The following PDE1C variants were observed in gnomAD, a reference collection of about 807,000 sequenced individuals.
PDE1C encodes dual specificity calcium/calmodulin-dependent 3',5'-cyclic nucleotide phosphodiesterase 1C.
In PDE1C, 62 loss-of-function variants were observed where a neutral mutation model predicts 93.1. That is an observed-to-expected ratio of 0.67 (90% CI 0.54 to 0.82). The LOEUF is 0.82. Ranked by LOEUF, PDE1C falls within the 40% of genes least tolerant of loss-of-function variation. The pLI is 0.00. For missense variants in PDE1C, 742 were observed against 884.6 expected (o/e 0.84, Z 2.04); for synonymous variants, 325 against 310.1 (o/e 1.05, Z -0.50).
At chr7:32,086,075 C>T (rs1194087924) in intron 3 of PDE1C, among the ~76,000 whole-genome samples, 1 of 151,346 alleles carries the variant, frequency 6.6e-6, no homozygotes, top group Non-Finnish European at 1.5e-5. Flanking sequence ...TCCCTGTTTG[C>T]AGATGACATG....
At chr7:32,127,928 G>T (rs1178688195) in intron 3 of PDE1C, among the ~76,000 whole-genome samples, 1 of 151,674 alleles carries the variant, frequency 6.6e-6, no homozygotes, top group Non-Finnish European at 1.5e-5. Context: ...AAAAAGAAAA[G>T]GACAGCAATG....
the PDE1C span, chr7:31,695,753 T>G: frequency 7.2e-6 from 6 of 828,182 alleles, no homozygotes; most frequent in Non-Finnish European, 1.1e-5. Flanking sequence ...TCTGTATCTC[T>G]GTATTAGTTA....
At chr7:31,667,514 T>C in the PDE1C span, among the ~76,000 whole-genome samples, 4 of 152,116 alleles carry the variant, frequency 2.6e-5, no homozygotes, top group African/African-American at 9.7e-5. Flanking sequence ...TTGACGCCCG[T>C]GCTATGCTGG....
intron 2 of PDE1C, among the ~76,000 whole-genome samples, chr7:32,208,914 C>T (rs1247975345): frequency 2.6e-5 from 4 of 152,162 alleles, no homozygotes; most frequent in South Asian, 2.1e-4. Flanking sequence ...CTAAGGAAAC[C>T]CATTCAATCC....
intron 2 of PDE1C, among the ~76,000 whole-genome samples, chr7:31,914,119 G>A (rs1446955853): frequency 1.3e-5 from 2 of 152,236 alleles, no homozygotes; most frequent in East Asian, 1.9e-4. Context: ...TGGTTTTCAA[G>A]CAACTCCAAT....
At chr7:32,019,575 T>C (rs771150043) in intron 2 of PDE1C, among the ~76,000 whole-genome samples, 15 of 152,116 alleles carry the variant, frequency 9.9e-5, no homozygotes, top group Non-Finnish European at 1.8e-4. Flanking sequence ...TACATATGAC[T>C]TGAAGGAAAT....
chr7:32,073,265 T>C (rs1796167480), upstream of PDE1C, among the ~76,000 whole-genome samples: 1 of 152,174 alleles, frequency 6.6e-6, no homozygotes, highest in Admixed American at 6.5e-5. Context: ...TTTGTTTCAT[T>C]TGAGAAAATT....
the PDE1C span, among the ~76,000 whole-genome samples, chr7:31,736,408 A>T: frequency 4.9e-4 from 75 of 152,226 alleles, no homozygotes; most frequent in African/African-American, 1.7e-3. Context: ...ACCCAGGTTC[A>T]CTCCTACTGG....
intron 3 of PDE1C, among the ~76,000 whole-genome samples, chr7:32,166,160 A>C (rs1345240146): frequency 2.0e-5 from 3 of 152,180 alleles, no homozygotes; most frequent in Admixed American, 2.0e-4. Context: ...TACATTGTAA[A>C]ATTTTATTTG....
intron 1 of PDE1C, among the ~76,000 whole-genome samples, chr7:32,052,486 C>T (rs1450584234): frequency 1.3e-5 from 2 of 152,122 alleles, no homozygotes; most frequent in Non-Finnish European, 2.9e-5. Context: ...TTTCAATAGG[C>T]TCAGCACTGG....
intron 2 of PDE1C, among the ~76,000 whole-genome samples, chr7:31,968,642 G>C (rs572379117): frequency 4.6e-5 from 7 of 152,062 alleles, no homozygotes; most frequent in African/African-American, 1.7e-4. Context: ...AAAAGAGCCC[G>C]CATCGCCAGG....
rs145334555 is a variant in PDE1C, at chr7:32,144,329, C to T, written c.308+25456G>A. Reference sequence around the variant, plus strand: ...CAGGGTGCAACAGGACCCCTGGCAGCTCCAGACATGAATACTACCAGCTTG... The same window carrying T: ...CAGGGTGCAACAGGACCCCTGGCAGTTCCAGACATGAATACTACCAGCTTG... On this transcript the variant is annotated intron_variant, in intron 3 of 18. Coordinates refer to the PDE1C transcript ENST00000396193. 1.5e-3 allele frequency among the ~76,000 whole-genome samples: 222 copies of T among 152,268 alleles called. 1 individual carries two copies. The highest frequency in any genetic ancestry group is 4.6e-3 in the African/African-American group (193 of 41,556).
intron 3 of PDE1C, among the ~76,000 whole-genome samples, chr7:32,088,863 T>A (rs1271673188): frequency 6.6e-6 from 1 of 152,216 alleles, no homozygotes; most frequent in Non-Finnish European, 1.5e-5. Flanking sequence ...AGGAACATTT[T>A]GGAGCGGGGT....
chr7:31,722,161 C>A, the PDE1C span, among the ~76,000 whole-genome samples: 1 of 152,010 alleles, frequency 6.6e-6, no homozygotes. Context: ...TCCATCTCAC[C>A]CCTGGTGAGC....
At chr7:32,403,571 G>A (rs1465952928) in intron 1 of PDE1C, among the ~76,000 whole-genome samples, 4 of 152,132 alleles carry the variant, frequency 2.6e-5, no homozygotes, top group African/African-American at 7.2e-5. Flanking sequence ...GGAGACCTGC[G>A]GTGTGGAAGC....
chr7:32,122,209 C>A (rs1799341001), intron 3 of PDE1C, among the ~76,000 whole-genome samples: 1 of 152,158 alleles, frequency 6.6e-6, no homozygotes, highest in South Asian at 2.1e-4. Flanking sequence ...TAGGAGCAGC[C>A]AGATTTATAA....
chr7:32,094,593 C>T (rs1403335140), intron 3 of PDE1C, among the ~76,000 whole-genome samples: 4 of 152,152 alleles, frequency 2.6e-5, no homozygotes, highest in African/African-American at 9.7e-5. Flanking sequence ...AAGAGAGTGC[C>T]AACCAAACAA....
intron 3 of PDE1C, among the ~76,000 whole-genome samples, chr7:32,166,604 C>G (rs1038206308): frequency 6.6e-6 from 1 of 152,220 alleles, no homozygotes; most frequent in Non-Finnish European, 1.5e-5. Flanking sequence ...CAACTATCGA[C>G]ACACAACCCC....
At chr7:32,075,438 T>C (rs1796297625), upstream of PDE1C, among the ~76,000 whole-genome samples, 1 of 152,156 alleles carries the variant, frequency 6.6e-6, no homozygotes, top group South Asian at 2.1e-4. Flanking sequence ...CACAATGTTC[T>C]GTCAACAGAG....
Sources: allele counts gnomAD v4.1 joint callset (sites outside exome capture counted in the v4.1 genomes callset), GRCh38; gene constraint gnomAD v4.1.1; transcripts MANE v1.5; gene names NCBI Gene and HGNC (gene_info 2026-07-23, HGNC 2026-07-21).